BRD4: variants seen among roughly 807,000 people sequenced by gnomAD.
BRD4 encodes the protein bromodomain-containing protein 4.
Under a neutral mutation model 142.1 loss-of-function variants are expected in BRD4, and 16 were observed. That is an observed-to-expected ratio of 0.11 (90% CI 0.08 to 0.17). BRD4 has a LOEUF of 0.17. Ranked by LOEUF, BRD4 falls within the 10% of genes least tolerant of loss-of-function variation. The pLI, the probability that BRD4 is intolerant of heterozygous loss-of-function variation, is 1.00. For synonymous variants in BRD4, 833 were observed against 707.5 expected, an observed-to-expected ratio of 1.18 and a Z score of -2.82; for missense variants, 1,424 against 1,810.9, an observed-to-expected ratio of 0.79 and a Z score of 3.88.
At chr19:15,312,973 G>A (rs2047985377) in intron 1 of BRD4, among the ~76,000 whole-genome samples, 1 of 152,112 alleles carries the variant, frequency 6.6e-6, no homozygotes, top group African/African-American at 2.4e-5. Flanking sequence ...TCAGGAGACT[G>A]AGGTGAGAGG....
At chr19:15,327,266 C>T (rs1031011278) in intron 1 of BRD4, among the ~76,000 whole-genome samples, 2 of 152,164 alleles carry the variant, frequency 1.3e-5, no homozygotes, top group African/African-American at 4.8e-5. Context: ...AGGCCAGGCG[C>T]GGTGGCTCAC....
chr19:15,246,071 C>T (rs1238691034), intron 11 of BRD4, among the ~76,000 whole-genome samples: 1 of 152,208 alleles, frequency 6.6e-6, no homozygotes, highest in Admixed American at 6.5e-5. Flanking sequence ...GCTACAGACA[C>T]ACGTCCTCGT....
chr19:15,315,873 C>T (rs1036815053), intron 1 of BRD4, among the ~76,000 whole-genome samples: 3 of 150,906 alleles, frequency 2.0e-5, no homozygotes, highest in African/African-American at 4.9e-5. Flanking sequence ...GACCGAGAAG[C>T]GGCCGGGCGC....
chr19:15,239,448 C>A lies in BRD4; in HGVS notation c.3520G>T (p.Ala1174Ser), dbSNP rs2145500796. ...PPEQNAPPPG[A>S]PDKDKQKQEP... is the part of the protein sequence containing the mutation. ...TGTTTCTGTTTGTCCTTGTCAGGGG[C>A]CCCTGGTGGCGGTGCGTTCTGCTCT... Residue 1174 changes from alanine to serine, a missense_variant, in exon 17 of 20, where the codon GCC becomes TCC. Ala to Ser is a moderately conservative substitution (Grantham distance 99). Around this residue, in one of 16 missense-constraint regions of BRD4, gnomAD observed 598 missense variants for 647.8 expected, o/e 0.92. Transcript: ENST00000679869. This position sits in a 1 kb window ranked among gnomAD's most constrained non-coding sequence, Gnocchi z 7.4. 1.2e-6 allele frequency: 2 copies of A among 1,614,122 alleles called. No homozygotes were observed. The highest frequency in any genetic ancestry group is 1.7e-6 in the Non-Finnish European group (2 of 1,180,026).
chr19:15,243,898 G>C (rs1000618126), intron 13 of BRD4, among the ~76,000 whole-genome samples: 1 of 152,212 alleles, frequency 6.6e-6, no homozygotes, highest in Non-Finnish European at 1.5e-5. Context: ...CCCCTGATGA[G>C]AAAAGCTGCA....
At chr19:15,308,090 C>T (rs1273920826) in intron 1 of BRD4, among the ~76,000 whole-genome samples, 1 of 103,722 alleles carries the variant, frequency 9.6e-6, no homozygotes, top group East Asian at 2.9e-4. Flanking sequence ...CCAGCCTGCA[C>T]AAAAGAGTGA....
intron 1 of BRD4, among the ~76,000 whole-genome samples, chr19:15,326,544 C>G (rs2048109758): frequency 6.6e-6 from 1 of 152,170 alleles, no homozygotes; most frequent in Middle Eastern, 3.4e-3. Flanking sequence ...AATTGTGTTA[C>G]TCAGACAAAG....
At chr19:15,294,139 T>C (rs2047805143) in intron 1 of BRD4, among the ~76,000 whole-genome samples, 2 of 152,266 alleles carry the variant, frequency 1.3e-5, no homozygotes, top group Admixed American at 1.3e-4. Context: ...GGACATACCA[T>C]GAGTCTGAGT....
At chr19:15,312,268 C>A (rs1367974956) in intron 1 of BRD4, among the ~76,000 whole-genome samples, 1 of 152,122 alleles carries the variant, frequency 6.6e-6, no homozygotes, top group African/African-American at 2.4e-5. Context: ...GCGGCCAAGA[C>A]AGGCACATTG....
rs2145500328 is a variant in BRD4 at position 15,239,292 on chromosome 19, G to A, written c.3577-28C>T. The A allele has an allele frequency of 1.2e-6, 2 of 1,613,342 alleles. No individual in the cohort carries two copies. The highest frequency in any genetic ancestry group is 1.7e-6 in the Non-Finnish European group (2 of 1,179,596). ...GCAGAACAGAGAGGTTGGGGTGGGTGAGGGGTCTGCTGTGCCTAAAGGGCA... is the reference window on the plus strand; with the variant it reads ...GCAGAACAGAGAGGTTGGGGTGGGTAAGGGGTCTGCTGTGCCTAAAGGGCA... On this transcript the variant is annotated intron_variant, in intron 17 of 19. Coordinates refer to ENST00000679869, the MANE Select transcript of BRD4 (RefSeq NM_001379291.1). This position sits in a 1 kb window ranked among gnomAD's most constrained non-coding sequence, Gnocchi z 7.4.
At chr19:15,246,156 G>C (rs890270694) in intron 11 of BRD4, among the ~76,000 whole-genome samples, 5 of 152,238 alleles carry the variant, frequency 3.3e-5, no homozygotes, top group African/African-American at 1.2e-4. Flanking sequence ...ACAGGGCTCA[G>C]GACGCTCTGG....
intron 3 of BRD4, among the ~76,000 whole-genome samples, chr19:15,268,647 C>A (rs957210875): frequency 6.6e-6 from 1 of 152,168 alleles, no homozygotes; most frequent in South Asian, 2.1e-4. Context: ...CCAAGGGCAC[C>A]AGAAGCACAT....
chr19:15,272,647 T>C (rs759562816), intron 2 of BRD4, among the ~76,000 whole-genome samples, 168 bp downstream of exon 2: 13 of 152,250 alleles, frequency 8.5e-5, no homozygotes, highest in Non-Finnish European at 1.6e-4. Flanking sequence ...TCTTTCTCCC[T>C]GATTTCAACT....
intron 11 of BRD4, 38 bp downstream of exon 11, chr19:15,254,114 A>C: frequency 3.2e-6 from 5 of 1,555,622 alleles, no homozygotes; most frequent in African/African-American, 1.4e-5. Flanking sequence ...ACAGGTGGGA[A>C]GAGTTTGGTA....
intron 4 of BRD4, 72 bp downstream of exon 4, chr19:15,267,344 C>G: frequency 6.4e-7 from 1 of 1,563,588 alleles, no homozygotes; most frequent in East Asian, 2.2e-5. Flanking sequence ...CCACTCCCAG[C>G]CCCCCACCAA....
chr19:15,311,917 G>A (rs574329880), intron 1 of BRD4, among the ~76,000 whole-genome samples: 5 of 152,338 alleles, frequency 3.3e-5, no homozygotes, highest in East Asian at 3.9e-4. Flanking sequence ...GGCTGCCACA[G>A]GCTGGGAGAA....
At chr19:15,273,809 C>A (rs368991170) in intron 1 of BRD4, among the ~76,000 whole-genome samples, 2,309 of 150,622 alleles carry the variant, frequency 0.015, 36 homozygotes, top group African/African-American at 0.047. Context: ...ACTAGACCTA[C>A]CATTTTCTTT....
chr19:15,306,732 T>C (rs1344633449), intron 1 of BRD4, among the ~76,000 whole-genome samples: 4 of 152,160 alleles, frequency 2.6e-5, no homozygotes, highest in African/African-American at 9.6e-5. Flanking sequence ...AAATAGTCAG[T>C]AGCTGGAGCA....
At chr19:15,286,428 T>A (rs1224552612) in intron 1 of BRD4, among the ~76,000 whole-genome samples, 1 of 152,234 alleles carries the variant, frequency 6.6e-6, no homozygotes, top group Non-Finnish European at 1.5e-5. Context: ...AGGTGGCTGC[T>A]GCACGGAGGA....
Sources: gnomAD v4.1 joint callset for allele counts (sites outside exome capture counted in the v4.1 genomes callset) on GRCh38, gnomAD v4.1.1 for gene constraint, gnomAD v4.1.1 regional missense constraint, Gnocchi (gnomAD v3.1) non-coding constraint, MANE v1.5 for transcripts, NCBI Gene and HGNC (gene_info 2026-07-23, HGNC 2026-07-21) for gene names.